Variants in MTAP observed in about 807,000 individuals in gnomAD.
The protein encoded by MTAP is methylthioadenosine phosphorylase, also known as S-methyl-5'-thioadenosine phosphorylase.
In MTAP, 33 loss-of-function variants were observed where a neutral mutation model predicts 33.6. The observed-to-expected ratio is 0.98, with a 90% CI of 0.74 to 1.31. The LOEUF (loss-of-function observed/expected upper bound fraction) is 1.31. Among genes scored for constraint, MTAP ranks in the 40% most tolerant of loss-of-function variants. The pLI is 0.00. For missense variants in MTAP, 367 were observed against 360.0 expected (o/e 1.02, Z -0.16); for synonymous variants, 148 against 125.7 (o/e 1.18, Z -1.19).
chr9:21,860,733 G>A (rs1314423773), intron 7 of MTAP: 3 of 147,236 alleles, frequency 2.0e-5, no homozygotes, highest in Non-Finnish European at 4.4e-5. Flanking sequence ...TGTCATAGAA[G>A]TTTGTTTGTT....
At chr9:21,891,488 T>G (rs1818199881) in intron 1 of MTAP, among the ~76,000 whole-genome samples, 1 of 152,048 alleles carries the variant, frequency 6.6e-6, no homozygotes, top group Non-Finnish European at 1.5e-5. Flanking sequence ...CTACAAAAAT[T>G]CCATAATACC....
chr9:21,931,345 C>T, downstream of MTAP: 2 of 559,686 alleles, frequency 3.6e-6, no homozygotes, highest in East Asian at 2.9e-5. Flanking sequence ...ATTAGGCAGA[C>T]ATGAGTAAGG....
At chr9:21,811,744 C>T in intron 1 of MTAP, 1 of 531,382 alleles carries the variant, frequency 1.9e-6, no homozygotes, top group Non-Finnish European at 3.8e-6. Flanking sequence ...CCATCTCATC[C>T]ATGCCCTCGC....
At chr9:21,926,502 C>A (rs1818871453) in intron 1 of MTAP, among the ~76,000 whole-genome samples, 1 of 152,178 alleles carries the variant, frequency 6.6e-6, no homozygotes, top group African/African-American at 2.4e-5. Flanking sequence ...CTCAAAGATG[C>A]TTTCTTTTGT....
At chr9:21,870,878 A>G (rs549806825), downstream of MTAP, among the ~76,000 whole-genome samples, 5 of 151,234 alleles carry the variant, frequency 3.3e-5, no homozygotes, top group South Asian at 2.1e-4. Context: ...GGTTCAAGCA[A>G]TTCTGCCTCA....
At chr9:21,875,144 G>A (rs1366692312) in intron 1 of MTAP, among the ~76,000 whole-genome samples, 1 of 152,126 alleles carries the variant, frequency 6.6e-6, no homozygotes, top group East Asian at 1.9e-4. Flanking sequence ...AACATAGTGT[G>A]CATGTGTCTT....
In MTAP at chr9:21,915,015, C is replaced by T. The variant is rs1451552757; in HGVS notation, c.148-15993C>T. Among the ~76,000 whole-genome samples, 737 of 93,332 alleles carry T rather than the reference C, an allele frequency of 7.9e-3. 42 individuals are homozygous for T. Among genetic ancestry groups the T allele is most frequent in the African/African-American group, 0.043 (690 of 16,010 alleles). The allele number at this position is 93,332 out of a possible 152,430, so 61.2% of individuals were successfully genotyped here. A position where few individuals can be genotyped will look rare whatever the true frequency, so the allele number is the denominator to read the frequency against. On this transcript the variant is annotated intron_variant, in intron 1 of 1. Transcript: ENST00000577563. Reference sequence around the variant, plus strand: ...CTTTGTTTTCTTTCCTTCCTTCCTTCCTTCCTTCCTTCCTTCCTTCCTTCC... The same window carrying T: ...CTTTGTTTTCTTTCCTTCCTTCCTTTCTTCCTTCCTTCCTTCCTTCCTTCC...
chr9:21,840,235 A>T (rs958796654), intron 5 of MTAP, among the ~76,000 whole-genome samples: 1 of 151,982 alleles, frequency 6.6e-6, no homozygotes, highest in Non-Finnish European at 1.5e-5. Flanking sequence ...AAAAAAAAAA[A>T]GTAAAGAAAA....
chr9:21,828,902 G>C (rs748409713), intron 4 of MTAP, among the ~76,000 whole-genome samples: 4 of 152,192 alleles, frequency 2.6e-5, no homozygotes, highest in Non-Finnish European at 5.9e-5. Flanking sequence ...AAGTGCTGCT[G>C]CCTTTGATTG....
chr9:21,931,968 C>T (rs1269571827), downstream of MTAP: 2 of 152,168 alleles, frequency 1.3e-5, no homozygotes, highest in African/African-American at 2.4e-5. Flanking sequence ...AAGGTTAAGG[C>T]TGCGGTGAGC....
At chr9:21,828,288 C>G (rs1824873857) in intron 4 of MTAP, among the ~76,000 whole-genome samples, 2 of 152,182 alleles carry the variant, frequency 1.3e-5, no homozygotes, top group Non-Finnish European at 2.9e-5. Flanking sequence ...TTCTCAGTAA[C>G]TGAGTGCCAT....
intron 1 of MTAP, among the ~76,000 whole-genome samples, chr9:21,927,707 C>G (rs895765958): frequency 1.3e-5 from 2 of 152,132 alleles, no homozygotes; most frequent in African/African-American, 4.8e-5. Flanking sequence ...TAGCTCTGTC[C>G]CTGGGGACCT....
intron 5 of MTAP, among the ~76,000 whole-genome samples, chr9:21,840,790 A>C (rs1404974117): frequency 6.6e-6 from 1 of 152,162 alleles, no homozygotes. Context: ...AGCAGATACA[A>C]GTGAGTACAG....
chr9:21,829,974 A>G (rs191771534), intron 4 of MTAP, among the ~76,000 whole-genome samples: 325 of 152,320 alleles, frequency 2.1e-3, no homozygotes, highest in African/African-American at 7.6e-3. Context: ...ATGAAGTTAA[A>G]AAGCCTGGGC....
chr9:21,811,832 A>G (rs1286577426), intron 1 of MTAP: 1 of 485,814 alleles, frequency 2.1e-6, no homozygotes, highest in Admixed American at 2.0e-5. Flanking sequence ...CAGATCCTAG[A>G]TAGCAGTGTT....
chr9:21,805,713 G>GGA (rs1192815157), intron 1 of MTAP, among the ~76,000 whole-genome samples: 1 of 152,184 alleles, frequency 6.6e-6, no homozygotes, highest in Non-Finnish European at 1.5e-5. Context: ...TAAGTGAGAG[G>GGA]ACACCATCTA....
At chr9:21,919,607 AG>A (rs1402529660) in intron 1 of MTAP, among the ~76,000 whole-genome samples, 2 of 152,344 alleles carry the variant, frequency 1.3e-5, no homozygotes, top group African/African-American at 2.4e-5. Flanking sequence ...GTGTATGCAA[AG>A]GAATGATTAC....
intron 4 of MTAP, among the ~76,000 whole-genome samples, chr9:21,827,098 C>A (rs575935440): frequency 1.3e-5 from 2 of 152,296 alleles, no homozygotes; most frequent in South Asian, 2.1e-4. Flanking sequence ...AGATTAGGGG[C>A]AGCTGTACTA....
chr9:21,895,436 A>G (rs1818274335), intron 1 of MTAP, among the ~76,000 whole-genome samples: 1 of 152,164 alleles, frequency 6.6e-6, no homozygotes, highest in Non-Finnish European at 1.5e-5. Context: ...TGATTTCTGT[A>G]TTTCCAACTG....
Sources: gnomAD v4.1 joint callset for allele counts (sites outside exome capture counted in the v4.1 genomes callset) on GRCh38, gnomAD v4.1.1 for gene constraint, MANE v1.5 for transcripts, NCBI Gene and HGNC (gene_info 2026-07-23, HGNC 2026-07-21) for gene names.